SHANK1: variants seen among roughly 807,000 people sequenced by gnomAD.
SHANK1 encodes SH3 and multiple ankyrin repeat domains protein 1.
SHANK1 carries 35 observed loss-of-function variants against 165.6 expected under a neutral mutation model. That is an observed-to-expected ratio of 0.21 (90% confidence interval 0.16 to 0.28). SHANK1 has a LOEUF of 0.28. Among genes scored for constraint, SHANK1 ranks in the 10% least tolerant of loss-of-function variants. The probability of loss-of-function intolerance (pLI) is 1.00; values close to 1 mark genes in which losing one functional copy is unlikely to be tolerated. For synonymous variants in SHANK1, 1,428 were observed against 1,384.8 expected (o/e 1.03, Z -0.69); for missense variants, 2,681 against 3,036.4 (o/e 0.88, Z 2.75).
At chr19:50,693,753 A>C (rs991085673) in intron 15 of SHANK1, among the ~76,000 whole-genome samples, 5 of 152,076 alleles carry the variant, frequency 3.3e-5, no homozygotes, top group African/African-American at 1.2e-4. Context: ...AGTGGCACAC[A>C]CAAGCGGATG....
Position 50,703,768 on chromosome 19 carries a change from T to C in SHANK1, c.1285A>G (p.Thr429Ala). ...RRRGPPGTGL[T>A]VPPALLRANS... ...GCCCGCAGCAGCGCCGGGGGCACCG[T>C]CAGCCCTGTGCCTGGGGGCCCCCGT... Residue 429 changes from threonine to alanine, a missense_variant, in exon 11 of 24, where the codon ACG becomes GCG. Around this residue, in one of 10 missense-constraint regions of SHANK1, gnomAD observed 49 missense variants for 55.6 expected, o/e 0.88. Transcript: ENST00000293441. The C allele has an allele frequency of 7.0e-7, 1 of 1,430,534 alleles. No homozygotes were observed. Among genetic ancestry groups the C allele is most frequent in the Non-Finnish European group, 9.1e-7 (1 of 1,096,950 alleles). The allele number at this position is 1,430,534 out of a possible 1,614,324, so 88.6% of individuals were successfully genotyped here. A position where few individuals can be genotyped will look rare whatever the true frequency, so the allele number is the denominator to read the frequency against.
At position 50,713,429 on chromosome 19, in the gene SHANK1, G is replaced by A. The variant is rs374369846; in HGVS notation, c.792+369C>T. Among the ~76,000 whole-genome samples the A allele has an allele frequency of 1.8e-3, 281 of 151,934 alleles. 3 individuals carry two copies. The South Asian group carries it at 0.022, about 12-fold the overall frequency. On this transcript the variant is annotated intron_variant, in intron 6 of 23. Transcript: ENST00000293441. The surrounding 1 kb of genome is among the most constrained non-coding windows in gnomAD (Gnocchi z 6.2). ...GCTGTTTTCAGGGTGTGTGTGGAGG[G>A]GCTCTATCTGGGGGCATAGCAGGGA...
In SHANK1 at chr19:50,686,247, A is replaced by G; in HGVS notation, c.2567T>C (p.Phe856Ser). 2 of 1,596,944 alleles carry G rather than the reference A, an allele frequency of 1.3e-6. No homozygotes were observed. Among genetic ancestry groups the G allele is most frequent in the Non-Finnish European group, 1.7e-6 (2 of 1,170,672 alleles). ...CACCAGGCCGCCTACCTCAGTGGCA[A>G]AGAAACCTTTGGGTCGGTGTTTGCC... is the stretch of plus-strand genomic sequence containing the variant. The part of the protein sequence containing the change: ...SLGKHRPKGF[F>S]ATESSFDPHH... The change falls in exon 21 of 24, where the codon TTT becomes TCT. Residue 856 changes from phenylalanine to serine, a missense_variant. By Grantham distance (155) the Phe-to-Ser change is radical. Coordinates refer to ENST00000293441, the MANE Select transcript of SHANK1 (RefSeq NM_016148.5). The surrounding 1 kb of genome is among the most constrained non-coding windows in gnomAD (Gnocchi z 5.7).
Position 50,702,457 on chromosome 19 carries a change from C to A in SHANK1, c.1747+10G>T. ...CAGCCCAGCCCAGGCCCTGCTTCCA[C>A]CCTGGGTACCTTTGATCTTCTCGCC... On this transcript the variant is annotated intron_variant, in intron 12 of 23. Transcript: ENST00000293441. The surrounding 1 kb of genome is among the most constrained non-coding windows in gnomAD (Gnocchi z 5.3). The A allele has an allele frequency of 6.2e-7, 1 of 1,605,448 alleles. No individual in the cohort carries two copies. The highest frequency in any genetic ancestry group is 8.5e-7 in the Non-Finnish European group (1 of 1,175,584).
chr19:50,718,661 G>C lies in SHANK1; in HGVS notation c.-44+745C>G, dbSNP rs1435940261. On this transcript the variant is annotated intron_variant, in intron 1 of 23. Coordinates refer to ENST00000293441, the MANE Select transcript of SHANK1 (RefSeq NM_016148.5). The surrounding 1 kb of genome is among the most constrained non-coding windows in gnomAD (Gnocchi z 5.1). The stretch of plus-strand genomic sequence containing the variant: ...GAGGACGCGAGAGAGGGGGTGCCCT[G>C]GGAGGCTGTGGGGGGACAGGGGGCG... Among the ~76,000 whole-genome samples, 1 of 151,898 alleles carries C rather than the reference G, an allele frequency of 6.6e-6. No individual in the cohort carries two copies. Among genetic ancestry groups the C allele is most frequent in the Non-Finnish European group, 1.5e-5 (1 of 67,920 alleles).
In SHANK1 at chr19:50,689,184, G is replaced by A. The variant is rs757800003; in HGVS notation, c.2047+13C>T. On this transcript the variant is annotated intron_variant, in intron 16 of 23. Coordinates refer to ENST00000293441, the MANE Select transcript of SHANK1 (RefSeq NM_016148.5). ...AGAGCCCTTCTCCCATCCCCTCCCC[G>A]GCTGGCACTCACCCTTGGCCCCCCG... 4.2e-5 allele frequency: 67 copies of A among 1,599,450 alleles called. 1 individual carries two copies. The highest frequency in any genetic ancestry group is 3.4e-4 in the Middle Eastern group (2 of 5,874).
rs575415276 is a variant in SHANK1 at position 50,662,855 on chromosome 19, G to C, written c.5769-173C>G. ...GAGGGAGCAAGGGGTAAGACGGCCG[G>C]CCGTCGAGGAAAGAAATGAAGGGAG... On this transcript the variant is annotated intron_variant, in intron 23 of 23. Coordinates refer to ENST00000293441, the MANE Select transcript of SHANK1 (RefSeq NM_016148.5). This position sits in a 1 kb window ranked among gnomAD's most constrained non-coding sequence, Gnocchi z 7.7. 4.8e-4 allele frequency among the ~76,000 whole-genome samples: 73 copies of C among 152,054 alleles called. No individual in the cohort carries two copies. The East Asian group carries it at 0.013, about 28-fold the overall frequency.
chr19:50,685,490 G>T (rs1013098952), intron 21 of SHANK1, among the ~76,000 whole-genome samples: 1 of 152,188 alleles, frequency 6.6e-6, no homozygotes, highest in African/African-American at 2.4e-5. Context: ...TTGGAGGGCT[G>T]AGGCGGGCAG....
chr19:50,704,123 C>T lies in SHANK1; in HGVS notation c.1219G>A (p.Val407Met), dbSNP rs553043743. Residue 407 changes from valine (V) to methionine (M), a missense_variant, in exon 10 of 24, where the codon GTG (valine) becomes ATG (methionine). Around this residue, in one of 10 missense-constraint regions of SHANK1, gnomAD observed 49 missense variants for 55.6 expected, o/e 0.88. Transcript: ENST00000293441. Reference sequence around the variant, plus strand: ...GTCCGAGCTCCCTGTCACTCACCCACATCCTGTTCTCGGTGGTTTCGGATC... The same window carrying T: ...GTCCGAGCTCCCTGTCACTCACCCATATCCTGTTCTCGGTGGTTTCGGATC... The part of the protein sequence containing the change: ...ELIRNHREQD[V>M]VPFQESPKYA... The T allele has an allele frequency of 3.1e-6, 5 of 1,613,886 alleles. No homozygotes were observed. The South Asian group carries it at 5.5e-5, about 18-fold the overall frequency.
At position 50,670,951 on chromosome 19, in the gene SHANK1, G is replaced by C. The variant is rs533789792; in HGVS notation, c.2674+1067C>G. ...TGGGATTACAGGCACATGCCACCAC[G>C]CTTGGCTAATTTTTGTATTTTTAGT... On this transcript the variant is annotated intron_variant, in intron 22 of 23. Transcript: ENST00000293441. This position sits in a 1 kb window ranked among gnomAD's most constrained non-coding sequence, Gnocchi z 4.1. Among the ~76,000 whole-genome samples the C allele has an allele frequency of 8.7e-5, 13 of 149,022 alleles. No homozygotes were observed. In the East Asian group the frequency reaches 2.0e-3, roughly 23 times the overall value.
intron 23 of SHANK1, among the ~76,000 whole-genome samples, chr19:50,664,877 A>C (rs1985412984): frequency 1.3e-5 from 2 of 152,014 alleles, no homozygotes; most frequent in Non-Finnish European, 2.9e-5. Context: ...GCCTCAGCCT[A>C]CTGAGGAGCT....
chr19:50,668,571 G>A lies in SHANK1; in HGVS notation c.3389C>T (p.Pro1130Leu), dbSNP rs759591439. The A allele has an allele frequency of 6.0e-6, 8 of 1,332,286 alleles. No individual in the cohort carries two copies. In the African/African-American group the frequency reaches 1.2e-4, roughly 21 times the overall value. The allele number at this position is 1,332,286 out of a possible 1,614,324, so 82.5% of individuals were successfully genotyped here. Reference sequence around the variant, plus strand: ...CGGGGAGGCCGGGGACGTGGGCGACGGCGCGGGCGGGAGGCCGCCGCCCTT... The same window carrying A: ...CGGGGAGGCCGGGGACGTGGGCGACAGCGCGGGCGGGAGGCCGCCGCCCTT... Reference protein sequence around the residue: ...PQKGGGLPPAPSPTSPASPQP... With the variant: ...PQKGGGLPPALSPTSPASPQP... The change falls in exon 23 of 24, where the codon CCG (proline) becomes CTG (leucine). Residue 1130 changes from proline (P) to leucine (L), a missense_variant. By Grantham distance (98) the Pro-to-Leu change is moderately conservative. Coordinates refer to ENST00000293441, the MANE Select transcript of SHANK1 (RefSeq NM_016148.5).
Position 50,669,259 on chromosome 19 carries a change from G to C in SHANK1, c.2701C>G (p.Leu901Val). Residue 901 changes from leucine (L) to valine (V), a missense_variant, in exon 23 of 24, where the codon CTA (leucine) becomes GTA (valine). Transcript: ENST00000293441. ...CTGAATTTCATGGCTGGGGGTGCTA[G>C]GTAAGGTCTGTCATCTTCTGCCGCA... ...IGAAEDDRPY[L>V]APPAMKFSRS... The C allele has an allele frequency of 6.2e-7, 1 of 1,611,308 alleles. No individual in the cohort carries two copies. Among genetic ancestry groups the C allele is most frequent in the Non-Finnish European group, 8.5e-7 (1 of 1,178,780 alleles).
At chr19:50,701,348 A>ATTTTTT (rs35759880) in intron 12 of SHANK1, among the ~76,000 whole-genome samples, 1 of 140,600 alleles carries the variant, frequency 7.1e-6, no homozygotes. Flanking sequence ...CACCTGGCTA[A>ATTTTTT]TTTTTTTTTT....
intron 8 of SHANK1, among the ~76,000 whole-genome samples, chr19:50,707,311 C>T (rs1171405309): frequency 6.6e-6 from 1 of 152,202 alleles, no homozygotes; most frequent in Non-Finnish European, 1.5e-5. Flanking sequence ...GGAGTGTCCT[C>T]TCCCTTTTAT....
rs1012224906 is a variant in SHANK1, at chr19:50,688,400, C to T, written c.2173-342G>A. On this transcript the variant is annotated intron_variant, in intron 17 of 23. Transcript: ENST00000293441. The surrounding 1 kb of genome is among the most constrained non-coding windows in gnomAD (Gnocchi z 6.7). The stretch of plus-strand genomic sequence containing the variant: ...GTGGCCCAATCATGGCTCACTGCAC[C>T]CTCGACTTCCTGGGCTCAAGCAATT... 3.3e-5 allele frequency among the ~76,000 whole-genome samples: 5 copies of T among 152,092 alleles called. No homozygotes were observed. Among genetic ancestry groups the T allele is most frequent in the African/African-American group, 1.2e-4 (5 of 41,426 alleles).
At chr19:50,710,773 C>T (rs532503214) in intron 8 of SHANK1, among the ~76,000 whole-genome samples, 3 of 152,350 alleles carry the variant, frequency 2.0e-5, no homozygotes, top group East Asian at 1.9e-4. Flanking sequence ...GGGGGCTGCA[C>T]GTTGGCCTTT....
intron 15 of SHANK1, among the ~76,000 whole-genome samples, chr19:50,691,064 C>T (rs895606888): frequency 6.6e-6 from 1 of 152,076 alleles, no homozygotes; most frequent in Non-Finnish European, 1.5e-5. Context: ...GCTCAAAGTT[C>T]GTAACAGTCC....
In SHANK1 at chr19:50,663,221, TGAGA is replaced by T. The variant is rs576440712; in HGVS notation, c.5769-543_5769-540del. ...AGCAGAGTGAAAGATGGGGAGACAG[TGAGA>T]GAGAGACAAAAAGAGGGTGAGCATC... On this transcript the variant is annotated intron_variant, in intron 23 of 23. Transcript: ENST00000293441. The T allele has an allele frequency of 1.3e-3, 207 of 156,872 alleles. 4 individuals are homozygous for T. The highest frequency in any genetic ancestry group is 9.9e-3 in the Admixed American group (166 of 16,808). 9.7% of individuals were successfully genotyped at this position (156,872 alleles called of 1,614,324 possible). A position where few individuals can be genotyped will look rare whatever the true frequency, so the allele number is the denominator to read the frequency against.
Sources: gnomAD v4.1 joint callset for allele counts (sites outside exome capture counted in the v4.1 genomes callset) on GRCh38, gnomAD v4.1.1 for gene constraint, gnomAD v4.1.1 regional missense constraint, Gnocchi (gnomAD v3.1) non-coding constraint, MANE v1.5 for transcripts, NCBI Gene and HGNC (gene_info 2026-07-23, HGNC 2026-07-21) for gene names.